The following TSPAN11 variants were observed in gnomAD, a reference collection of about 807,000 sequenced individuals.
TSPAN11 encodes the protein tetraspanin 11.
In TSPAN11, 29 loss-of-function variants were observed where a neutral mutation model predicts 32.9. The ratio of observed to expected loss-of-function variants is 0.88; its 90% CI spans 0.66 to 1.20. TSPAN11 has a LOEUF of 1.20. TSPAN11 is among the 50% of genes most tolerant of loss of function. The pLI, the probability that TSPAN11 is intolerant of heterozygous loss-of-function variation, is 0.00. For synonymous variants in TSPAN11, 140 were observed against 141.3 expected, an observed-to-expected ratio of 0.99 and a Z score of 0.07; for missense variants, 283 against 329.1, an observed-to-expected ratio of 0.86 and a Z score of 1.08.
the TSPAN11 span, among the ~76,000 whole-genome samples, chr12:31,015,021 G>A: frequency 2.6e-5 from 4 of 152,000 alleles, no homozygotes; most frequent in African/African-American, 7.2e-5. This position sits in a 1 kb window ranked among gnomAD's most constrained non-coding sequence, Gnocchi z 4.9. Flanking sequence ...ATTCACTCTC[G>A]GTCTTTGCTA....
chr12:30,975,204 A>G lies in TSPAN11; in HGVS notation c.277-3357A>G, dbSNP rs917114466. Reference sequence around the variant, plus strand: ...AGTCAGGAAAGGCTGGGTAAGGTGCAGGGTGGAGGGGCAGAGGTGACAGGT... The same window carrying G: ...AGTCAGGAAAGGCTGGGTAAGGTGCGGGGTGGAGGGGCAGAGGTGACAGGT... On this transcript the variant is annotated intron_variant, in intron 3 of 7. Coordinates refer to ENST00000546076, the MANE Select transcript of TSPAN11 (RefSeq NM_001370302.1). This position sits in a 1 kb window ranked among gnomAD's most constrained non-coding sequence, Gnocchi z 4.5. Among the ~76,000 whole-genome samples the G allele has an allele frequency of 2.0e-5, 3 of 152,190 alleles. No homozygotes were observed. The highest frequency in any genetic ancestry group is 4.4e-5 in the Non-Finnish European group (3 of 68,016).
At chr12:31,014,985 C>T in the TSPAN11 span, among the ~76,000 whole-genome samples, 2 of 152,160 alleles carry the variant, frequency 1.3e-5, no homozygotes, top group African/African-American at 4.8e-5. Flanking sequence ...AACCCTGACT[C>T]CTCAGTTCCC....
chr12:30,934,958 T>C (rs1367749396), intron 1 of TSPAN11, among the ~76,000 whole-genome samples: 1 of 152,046 alleles, frequency 6.6e-6, no homozygotes, highest in Non-Finnish European at 1.5e-5. Context: ...CTGTGTGCCA[T>C]TGCCTTTATA....
intron 3 of TSPAN11, among the ~76,000 whole-genome samples, chr12:30,967,097 A>C (rs1938748974): frequency 1.3e-5 from 2 of 152,230 alleles, no homozygotes; most frequent in South Asian, 4.1e-4. Flanking sequence ...CTCAAAGGCC[A>C]GAAGGGAAGC....
At chr12:31,004,690 C>G in the TSPAN11 span, among the ~76,000 whole-genome samples, 1 of 152,212 alleles carries the variant, frequency 6.6e-6, no homozygotes, top group Non-Finnish European at 1.5e-5. Context: ...GTGAAAGGAA[C>G]TGGGGTGTGC....
rs767018902 is a variant in TSPAN11, at chr12:30,963,854, G to A, written c.113G>A (p.Gly38Asp). 6.2e-7 allele frequency: 1 copy of A among 1,610,824 alleles called. No individual in the cohort carries two copies. The highest frequency in any genetic ancestry group is 8.5e-7 in the Non-Finnish European group (1 of 1,179,992). ...WVGGAAVLAV[G>D]IWTLVEKSGY... Reference sequence around the variant, plus strand: ...GGGGGAGCAGCCGTCCTGGCTGTGGGCATCTGGACCCTGGTGGAGAAGAGT... The same window carrying A: ...GGGGGAGCAGCCGTCCTGGCTGTGGACATCTGGACCCTGGTGGAGAAGAGT... Residue 38 changes from glycine (G) to aspartate (D), a missense_variant, in exon 3 of 8, where the codon GGC (glycine) becomes GAC (aspartate). Transcript: ENST00000546076.
chr12:30,986,042 C>G (rs1185087934), intron 7 of TSPAN11, among the ~76,000 whole-genome samples: 2 of 152,244 alleles, frequency 1.3e-5, no homozygotes, highest in Non-Finnish European at 2.9e-5. Flanking sequence ...CTACACTGCT[C>G]AAGTCCCAGG....
At chr12:30,938,214 A>T (rs139653947) in intron 1 of TSPAN11, among the ~76,000 whole-genome samples, 1 of 152,290 alleles carries the variant, frequency 6.6e-6, no homozygotes, top group East Asian at 1.9e-4. Context: ...AAAGATATCT[A>T]CCTACAGATC....
chr12:30,974,820 C>T (rs561091038), intron 3 of TSPAN11, among the ~76,000 whole-genome samples: 13 of 152,292 alleles, frequency 8.5e-5, no homozygotes, highest in South Asian at 8.3e-4. Flanking sequence ...GCACGGCAGG[C>T]GAAGGGGAGG....
intron 3 of TSPAN11, among the ~76,000 whole-genome samples, chr12:30,970,792 T>A (rs780865374): frequency 7.9e-5 from 12 of 152,142 alleles, no homozygotes; most frequent in Non-Finnish European, 1.3e-4. Context: ...CTTCTAACAG[T>A]GACACTTGGT....
the TSPAN11 span, among the ~76,000 whole-genome samples, chr12:31,015,061 C>T: frequency 6.6e-6 from 1 of 152,160 alleles, no homozygotes; most frequent in Non-Finnish European, 1.5e-5. The surrounding 1 kb of genome is among the most constrained non-coding windows in gnomAD (Gnocchi z 4.9). Context: ...ATTTTGTTAC[C>T]TTTTAATGCA....
intron 1 of TSPAN11, among the ~76,000 whole-genome samples, chr12:30,930,616 T>C (rs1214566903): frequency 6.6e-6 from 1 of 152,222 alleles, no homozygotes. Context: ...GGTGCATGGA[T>C]GCCTGCCTAA....
intron 3 of TSPAN11, among the ~76,000 whole-genome samples, chr12:30,971,851 A>T (rs1938858022): frequency 6.6e-6 from 1 of 152,066 alleles, no homozygotes; most frequent in African/African-American, 2.4e-5. Context: ...TGTAAAAAAA[A>T]AAAAATTGGT....
At chr12:30,936,643 G>A (rs1329297591) in intron 1 of TSPAN11, among the ~76,000 whole-genome samples, 1 of 152,196 alleles carries the variant, frequency 6.6e-6, no homozygotes, top group African/African-American at 2.4e-5. Context: ...AGAAAAAGGA[G>A]TGAGCACTGC....
chr12:30,978,718 G>A, intron 4 of TSPAN11, 83 bp downstream of exon 4: 1 of 1,405,506 alleles, frequency 7.1e-7, no homozygotes, highest in Non-Finnish European at 1.0e-6. Flanking sequence ...TTGTGATGAG[G>A]GAAGCTGAGG....
downstream of TSPAN11, chr12:30,996,691 C>G (rs1939423497): frequency 6.6e-6 from 1 of 152,198 alleles, no homozygotes. Flanking sequence ...CATCGTGAAG[C>G]TGCTGTGTTA....
Position 30,995,328 on chromosome 12 carries a change from TC to T in TSPAN11, c.*3417del, listed in dbSNP as rs1327174478. 1 of 152,248 alleles carries T rather than the reference TC, an allele frequency of 6.6e-6. No homozygotes were observed. Among genetic ancestry groups the T allele is most frequent in the Non-Finnish European group, 1.5e-5 (1 of 68,084 alleles). The allele number at this position is 152,248 out of a possible 1,614,324, so 9.4% of individuals were successfully genotyped here. On this transcript the variant is annotated 3_prime_UTR_variant, in exon 8 of 8. Coordinates refer to ENST00000546076, the MANE Select transcript of TSPAN11 (RefSeq NM_001370302.1). ...GCACCCTGGGGTTGTGTTGACCACC[TC>T]CCCTTCAGGTGAGGCCCTTTTCTGC...
At chr12:30,961,750 A>C (rs907258081) in intron 2 of TSPAN11, among the ~76,000 whole-genome samples, 1 of 152,028 alleles carries the variant, frequency 6.6e-6, no homozygotes, top group Non-Finnish European at 1.5e-5. Flanking sequence ...AGAGATGAAG[A>C]AGCTGAGGTC....
At chr12:30,962,558 G>A (rs61235086) in intron 2 of TSPAN11, among the ~76,000 whole-genome samples, 2,802 of 152,298 alleles carry the variant, frequency 0.018, 83 homozygotes, top group African/African-American at 0.064. Flanking sequence ...TTTGCTCAAC[G>A]GATGTCTGTG....
Sources: gnomAD v4.1 joint callset for allele counts (sites outside exome capture counted in the v4.1 genomes callset) on GRCh38, gnomAD v4.1.1 for gene constraint, Gnocchi (gnomAD v3.1) non-coding constraint, MANE v1.5 for transcripts, NCBI Gene and HGNC (gene_info 2026-07-23, HGNC 2026-07-21) for gene names.